SLC12A1: variants seen among roughly 807,000 people sequenced by gnomAD.
SLC12A1 encodes solute carrier family 12 member 1, also known as Na-K-2Cl cotransporter.
In SLC12A1, 89 loss-of-function variants were observed where a neutral mutation model predicts 130.4. That is an observed-to-expected ratio of 0.68 (90% confidence interval 0.58 to 0.81). SLC12A1 has a LOEUF of 0.81. SLC12A1 is among the 40% of genes least tolerant of loss of function. The pLI is 0.00. For missense variants in SLC12A1, 1,310 were observed against 1,336.4 expected, an observed-to-expected ratio of 0.98 and a Z score of 0.31; for synonymous variants, 499 against 460.0, an observed-to-expected ratio of 1.08 and a Z score of -1.09.
intron 20 of SLC12A1, among the ~76,000 whole-genome samples, chr15:48,284,746 C>G (rs539775123): frequency 6.6e-6 from 1 of 152,172 alleles, no homozygotes; most frequent in Admixed American, 6.5e-5. Flanking sequence ...CTCAGGTGAT[C>G]CTCTCACCTC....
chr15:48,269,806 C>A, intron 19 of SLC12A1, 42 bp downstream of exon 19: 1 of 1,094,358 alleles, frequency 9.1e-7, no homozygotes, highest in Non-Finnish European at 1.4e-6. Context: ...TTATAAAGCA[C>A]TAAGCAGGGC....
chr15:48,243,396 G>A (rs781024704), intron 10 of SLC12A1, among the ~76,000 whole-genome samples: 5 of 152,102 alleles, frequency 3.3e-5, no homozygotes, highest in South Asian at 2.1e-4. Context: ...AGTGGCTCAC[G>A]CCTGTAATCC....
intron 5 of SLC12A1, 174 bp downstream of exon 5, chr15:48,226,745 A>G (rs1293594122): frequency 1.6e-6 from 1 of 635,174 alleles, no homozygotes; most frequent in Admixed American, 3.0e-5. Context: ...GTCCAGGTCT[A>G]CTCTGGTCTC....
Position 48,229,326 on chromosome 15 carries a change from A to C in SLC12A1, c.862A>C (p.Lys288Gln), listed in dbSNP as rs987679374. 2 of 1,592,046 alleles carry C rather than the reference A, an allele frequency of 1.3e-6. No individual in the cohort carries two copies. Among genetic ancestry groups the C allele is most frequent in the African/African-American group, 2.7e-5 (2 of 74,632 alleles). The change falls in exon 6 of 27, where the codon AAG becomes CAG. Residue 288 changes from lysine (K) to glutamine (Q), a missense_variant and splice_region_variant. By Grantham distance (53) the Lys-to-Gln change is moderately conservative. Coordinates refer to ENST00000380993, the MANE Select transcript of SLC12A1 (RefSeq NM_000338.3). ...TGCTGAGACTGTAGTAGATCTTCTT[A>C]AGGTAATTAAAAGCTTTTCTTTTTT... ...GFAETVVDLL[K>Q]ESDSMMVDPT...
intron 26 of SLC12A1, among the ~76,000 whole-genome samples, chr15:48,301,809 T>C (rs532981678): frequency 1.3e-5 from 2 of 152,202 alleles, no homozygotes; most frequent in East Asian, 3.9e-4. Flanking sequence ...GAGGCCAGGG[T>C]AGGAGAAAAA....
At chr15:48,289,013 C>T (rs1407969950) in intron 23 of SLC12A1, among the ~76,000 whole-genome samples, 1 of 152,036 alleles carries the variant, frequency 6.6e-6, no homozygotes, top group Non-Finnish European at 1.5e-5. Flanking sequence ...GACTTTGCAA[C>T]AGTCTCCAAA....
At chr15:48,233,695 T>C (rs1236731875) in intron 8 of SLC12A1, among the ~76,000 whole-genome samples, 1 of 152,240 alleles carries the variant, frequency 6.6e-6, no homozygotes, top group Non-Finnish European at 1.5e-5. Context: ...TCAGTATTTA[T>C]TTCTTTTTGA....
intron 2 of SLC12A1, among the ~76,000 whole-genome samples, chr15:48,220,126 A>C (rs3050699): frequency 6.9e-5 from 3 of 43,188 alleles, no homozygotes; most frequent in Admixed American, 3.1e-4. Context: ...AAAAAAAAAA[A>C]AAAGGTAGAT....
At chr15:48,227,015 T>C in intron 5 of SLC12A1, 1 of 1,030,530 alleles carries the variant, frequency 9.7e-7, no homozygotes, top group Non-Finnish European at 1.5e-6. Context: ...GACTGCTGCC[T>C]CCTGAAGTAC....
chr15:48,229,254 T>G lies in SLC12A1; in HGVS notation c.790T>G (p.Phe264Val). 6.2e-7 allele frequency: 1 copy of G among 1,601,114 alleles called. No individual in the cohort carries two copies. Among genetic ancestry groups the G allele is most frequent in the Non-Finnish European group, 8.5e-7 (1 of 1,173,262 alleles). Residue 264 changes from phenylalanine to valine, a missense_variant, in exon 6 of 27, where the codon TTT becomes GTT. Coordinates refer to ENST00000380993, the MANE Select transcript of SLC12A1 (RefSeq NM_000338.3). Reference sequence around the variant, plus strand: ...GTTCGGTGGGTCAATAGGCCTGATCTTTGCTTTTGCTAATGCAGTGGCTGT... The same window carrying G: ...GTTCGGTGGGTCAATAGGCCTGATCGTTGCTTTTGCTAATGCAGTGGCTGT... ...PEFGGSIGLI[F>V]AFANAVAVAM...
Position 48,259,429 on chromosome 15 carries a change from G to A in SLC12A1, c.2154+118G>A, listed in dbSNP as rs2041745463. Reference sequence around the variant, plus strand: ...AAAATAGCAAAAAAACAGTTTATAGGAGAGCCCTCTACCTTGATTCATAGA... The same window carrying A: ...AAAATAGCAAAAAAACAGTTTATAGAAGAGCCCTCTACCTTGATTCATAGA... On this transcript the variant is annotated intron_variant, in intron 17 of 26. Coordinates refer to ENST00000380993, the MANE Select transcript of SLC12A1 (RefSeq NM_000338.3). The A allele has an allele frequency of 5.3e-6, 4 of 749,908 alleles. No homozygotes were observed. In the Admixed American group the frequency reaches 7.6e-5, roughly 14 times the overall value. The allele number at this position is 749,908 out of a possible 1,614,324, so 46.5% of individuals were successfully genotyped here.
At chr15:48,288,282 G>A (rs1429511033) in intron 22 of SLC12A1, 108 bp downstream of exon 22, 1 of 1,224,704 alleles carries the variant, frequency 8.2e-7, no homozygotes, top group Middle Eastern at 2.1e-4. Context: ...TAACATTTCT[G>A]TGTTCTCCAA....
chr15:48,228,839 T>C (rs144333097), intron 5 of SLC12A1: 1,748 of 167,974 alleles, frequency 0.01, 29 homozygotes, highest in East Asian at 0.094. Flanking sequence ...AAATTTTTTA[T>C]ATAAAATTTT....
intron 12 of SLC12A1, 99 bp downstream of exon 12, chr15:48,247,115 C>T: frequency 9.1e-7 from 1 of 1,104,914 alleles, no homozygotes; most frequent in South Asian, 1.4e-5. Context: ...CATTTTCCAT[C>T]ATTTTCTGAA....
At chr15:48,266,021 T>C (rs1197330390) in intron 17 of SLC12A1, among the ~76,000 whole-genome samples, 1 of 152,156 alleles carries the variant, frequency 6.6e-6, no homozygotes, top group African/African-American at 2.4e-5. Flanking sequence ...TGAAATCCAG[T>C]GTGTAGTTTA....
At position 48,247,478 on chromosome 15, in the gene SLC12A1, GT is replaced by G. The variant is rs2041595999; in HGVS notation, c.1684+23del. The G allele has an allele frequency of 6.4e-6, 10 of 1,569,194 alleles. No individual in the cohort carries two copies. The East Asian group carries it at 2.2e-4, about 35-fold the overall frequency. On this transcript the variant is annotated intron_variant, in intron 13 of 26. Transcript: ENST00000380993. ...TCTTATTGGTTTGTAAAGTTTTCTT[GT>G]TTTTATTGAAAACCAAAGAATTCTT...
Position 48,302,919 on chromosome 15 carries a change from G to A in SLC12A1, c.*34G>A. Reference sequence around the variant, plus strand: ...AGATTGGAATACATTTTAACTTAATGTAATGCATAATTAAGAAACATGTTC... The same window carrying A: ...AGATTGGAATACATTTTAACTTAATATAATGCATAATTAAGAAACATGTTC... On this transcript the variant is annotated 3_prime_UTR_variant, in exon 27 of 27. Coordinates refer to ENST00000380993, the MANE Select transcript of SLC12A1 (RefSeq NM_000338.3). 1 of 1,488,888 alleles carries A rather than the reference G, an allele frequency of 6.7e-7. No homozygotes were observed. The highest frequency in any genetic ancestry group is 1.2e-5 in the South Asian group (1 of 86,298). 92.2% of individuals were successfully genotyped at this position (1,488,888 alleles called of 1,614,324 possible). A position where few individuals can be genotyped will look rare whatever the true frequency, so the allele number is the denominator to read the frequency against.
intron 17 of SLC12A1, among the ~76,000 whole-genome samples, chr15:48,265,984 T>G (rs1251890802): frequency 2.6e-5 from 4 of 152,210 alleles, no homozygotes; most frequent in African/African-American, 4.8e-5. Context: ...AATGAGATAT[T>G]TTACATTCTT....
At chr15:48,208,866 T>C (rs538859239) in intron 2 of SLC12A1, among the ~76,000 whole-genome samples, 26 of 152,344 alleles carry the variant, frequency 1.7e-4, no homozygotes, top group African/African-American at 6.0e-4. Flanking sequence ...TTTTATATTC[T>C]TTAAAGAAAG....
Sources: gnomAD v4.1 joint callset for allele counts (sites outside exome capture counted in the v4.1 genomes callset) on GRCh38, gnomAD v4.1.1 for gene constraint, MANE v1.5 for transcripts, NCBI Gene and HGNC (gene_info 2026-07-23, HGNC 2026-07-21) for gene names.